Variants in C8orf34 observed in about 807,000 individuals in gnomAD.
C8orf34 encodes uncharacterized protein C8orf34.
C8orf34 carries 65 observed loss-of-function variants against 68.3 expected under a neutral mutation model. The observed-to-expected ratio is 0.95, with a 90% confidence interval of 0.78 to 1.17. The LOEUF is 1.17. C8orf34 is among the 50% of genes most tolerant of loss of function. The pLI is 0.00. For missense variants in C8orf34, 664 were observed against 655.4 expected (o/e 1.01, Z -0.14); for synonymous variants, 244 against 241.2 (o/e 1.01, Z -0.11).
At position 68,750,449 on chromosome 8, in the gene C8orf34, G is replaced by C. The variant is rs529811088; in HGVS notation, c.1405-25950G>C. 4.5e-4 allele frequency among the ~76,000 whole-genome samples: 68 copies of C among 152,070 alleles called. 1 individual carries two copies. Among genetic ancestry groups the C allele is most frequent in the Non-Finnish European group, 8.1e-4 (55 of 67,912 alleles). ...AGATTAGGGTTTTCTAGGGGCCAGG[G>C]AGGAAAGAAAAAAGGGAAGTGAGTA... On this transcript the variant is annotated intron_variant, in intron 10 of 13. Transcript: ENST00000518698.
intron 5 of C8orf34, among the ~76,000 whole-genome samples, chr8:68,509,085 C>T (rs6982414): frequency 2.0e-5 from 3 of 151,954 alleles, no homozygotes. Context: ...CTCATTCCCC[C>T]CTCTAAAGAA....
chr8:68,810,520 C>T (rs773885120), intron 12 of C8orf34, among the ~76,000 whole-genome samples: 2 of 152,158 alleles, frequency 1.3e-5, no homozygotes, highest in Non-Finnish European at 2.9e-5. Context: ...CTCTACTTCT[C>T]GTAGCCCGCA....
At chr8:68,510,990 G>A (rs1814247608) in intron 5 of C8orf34, among the ~76,000 whole-genome samples, 1 of 152,306 alleles carries the variant, frequency 6.6e-6, no homozygotes, top group South Asian at 2.1e-4. Context: ...AGTCTCCCCA[G>A]TGGGCTTATA....
intron 10 of C8orf34, among the ~76,000 whole-genome samples, chr8:68,733,525 C>T (rs1822041091): frequency 6.6e-6 from 1 of 152,108 alleles, no homozygotes; most frequent in South Asian, 2.1e-4. Flanking sequence ...AAGAGTTTAA[C>T]TACATCATAC....
At chr8:68,444,279 T>G (rs1811032846) in intron 2 of C8orf34, among the ~76,000 whole-genome samples, 1 of 152,112 alleles carries the variant, frequency 6.6e-6, no homozygotes, top group Admixed American at 6.5e-5. Flanking sequence ...TATATTTTTA[T>G]TCATAGGTTG....
intron 7 of C8orf34, among the ~76,000 whole-genome samples, chr8:68,570,221 A>C (rs957499197): frequency 6.6e-6 from 1 of 152,154 alleles, no homozygotes; most frequent in African/African-American, 2.4e-5. Flanking sequence ...GGATTAAGAA[A>C]ATTTAAGTTT....
chr8:68,442,104 GGAGAAGGCAAGTGT>G (rs1438194903), intron 2 of C8orf34, among the ~76,000 whole-genome samples: 4 of 152,082 alleles, frequency 2.6e-5, no homozygotes, highest in Non-Finnish European at 5.9e-5. Flanking sequence ...GGATGGACTG[GGAGAAGGCAAGTGT>G]GAGATGACTT....
intron 7 of C8orf34, among the ~76,000 whole-genome samples, chr8:68,603,628 T>C (rs915596039): frequency 1.6e-4 from 24 of 146,684 alleles, no homozygotes; most frequent in African/African-American, 6.0e-4. Flanking sequence ...GAATATTAAG[T>C]AAAATAAGCC....
At chr8:68,756,037 A>C (rs1822849453) in intron 10 of C8orf34, among the ~76,000 whole-genome samples, 1 of 151,720 alleles carries the variant, frequency 6.6e-6, no homozygotes, top group Admixed American at 6.6e-5. Flanking sequence ...ACTGCACTCC[A>C]GCCTGGGCGA....
At chr8:68,781,881 G>T (rs1408554970) in intron 11 of C8orf34, among the ~76,000 whole-genome samples, 1 of 152,150 alleles carries the variant, frequency 6.6e-6, no homozygotes, top group Non-Finnish European at 1.5e-5. Flanking sequence ...ATTAATTAGA[G>T]AATAGTTGAA....
In C8orf34 at chr8:68,776,465, G is replaced by C. The variant is rs781033622; in HGVS notation, c.1455+16G>C. 17 of 1,602,394 alleles carry C rather than the reference G, an allele frequency of 1.1e-5. No individual in the cohort carries two copies. Among genetic ancestry groups the C allele is most frequent in the African/African-American group, 4.0e-5 (3 of 74,610 alleles). The stretch of plus-strand genomic sequence containing the variant: ...CATGGAAGAAGTGAGTTTTAAGGTT[G>C]CTTTATAATGTAGTCTGAAATCAGT... On this transcript the variant is annotated intron_variant, in intron 11 of 13. Transcript: ENST00000518698.
At chr8:68,542,948 A>G (rs1427065402) in intron 7 of C8orf34, among the ~76,000 whole-genome samples, 2 of 152,114 alleles carry the variant, frequency 1.3e-5, no homozygotes. Context: ...CATACTATAC[A>G]TATTTAAAAA....
chr8:68,377,698 T>C (rs1315989320), intron 1 of C8orf34, among the ~76,000 whole-genome samples: 1 of 152,034 alleles, frequency 6.6e-6, no homozygotes, highest in East Asian at 1.9e-4. Flanking sequence ...GGCAATCTCA[T>C]TTTTTTTCTA....
At chr8:68,474,477 C>T (rs372880351) in intron 4 of C8orf34, among the ~76,000 whole-genome samples, 142 of 152,154 alleles carry the variant, frequency 9.3e-4, no homozygotes, top group African/African-American at 3.3e-3. Context: ...CATCTCTGAC[C>T]AGATTATTGG....
intron 1 of C8orf34, among the ~76,000 whole-genome samples, chr8:68,361,575 T>C (rs891943354): frequency 6.6e-6 from 1 of 152,252 alleles, no homozygotes; most frequent in Non-Finnish European, 1.5e-5. Context: ...ATTAAATATG[T>C]TTTGACTGCT....
chr8:68,657,954 T>C (rs2130799770), intron 8 of C8orf34, among the ~76,000 whole-genome samples: 1 of 152,336 alleles, frequency 6.6e-6, no homozygotes, highest in South Asian at 2.1e-4. Context: ...GTTTTAAATT[T>C]TTTTTTATTA....
chr8:68,652,554 C>T (rs778554431), intron 8 of C8orf34, among the ~76,000 whole-genome samples: 2 of 152,108 alleles, frequency 1.3e-5, no homozygotes, highest in African/African-American at 2.4e-5. Context: ...CACTTATATT[C>T]AGTTCTATGA....
chr8:68,559,648 T>C (rs540913658), intron 7 of C8orf34, among the ~76,000 whole-genome samples: 31 of 152,330 alleles, frequency 2.0e-4, no homozygotes, highest in African/African-American at 6.5e-4. Flanking sequence ...AGAAATTACC[T>C]GGATTTGCTT....
At chr8:68,579,000 C>A (rs1166326078) in intron 7 of C8orf34, among the ~76,000 whole-genome samples, 1 of 152,026 alleles carries the variant, frequency 6.6e-6, no homozygotes, top group Non-Finnish European at 1.5e-5. Flanking sequence ...CACAACTTAT[C>A]CAAAATTGAG....
Sources: gnomAD v4.1 joint callset for allele counts (sites outside exome capture counted in the v4.1 genomes callset) on GRCh38, gnomAD v4.1.1 for gene constraint, MANE v1.5 for transcripts, NCBI Gene and HGNC (gene_info 2026-07-23, HGNC 2026-07-21) for gene names.